The following SAMMSON variants were observed in gnomAD, a reference collection of about 807,000 sequenced individuals.
The protein encoded by SAMMSON is survival associated mitochondrial melanoma specific oncogenic non-coding RNA, also known as long intergenic non-protein coding RNA 1212.
intron 7 of SAMMSON, among the ~76,000 whole-genome samples, chr3:70,303,400 T>C (rs1197158185): frequency 6.6e-6 from 1 of 152,076 alleles, no homozygotes; most frequent in Non-Finnish European, 1.5e-5. Flanking sequence ...AGGAGGAGAA[T>C]AGGAGGAAAA....
chr3:70,112,185 G>T (rs2067392467), intron 4 of SAMMSON, among the ~76,000 whole-genome samples: 1 of 152,082 alleles, frequency 6.6e-6, no homozygotes, highest in African/African-American at 2.4e-5. Context: ...AAGACAGCTA[G>T]AGAAAAAAGA....
Position 70,058,969 on chromosome 3 carries a change from A to G in SAMMSON, n.418-12507A>G, listed in dbSNP as rs76234846. Among the ~76,000 whole-genome samples the G allele has an allele frequency of 7.2e-3, 1,100 of 152,084 alleles. 35 individuals carry two copies. The highest frequency in any genetic ancestry group is 0.07 in the East Asian group (359 of 5,130). ...CTACTCTTGTCAGCGGGAAGGTATTAATATACCCGTTTTATAGGTTGAGGA... is the reference window on the plus strand; with the variant it reads ...CTACTCTTGTCAGCGGGAAGGTATTGATATACCCGTTTTATAGGTTGAGGA... On this transcript the variant is annotated intron_variant and non_coding_transcript_variant, in intron 3 of 9. Transcript: ENST00000642114.
chr3:70,020,468 C>T (rs1360144892), intron 3 of SAMMSON, among the ~76,000 whole-genome samples: 1 of 152,148 alleles, frequency 6.6e-6, no homozygotes, highest in Non-Finnish European at 1.5e-5. Context: ...GAGACTGTGG[C>T]ATCTGTGGTA....
intron 4 of SAMMSON, among the ~76,000 whole-genome samples, chr3:70,108,461 G>T (rs956026914): frequency 1.1e-5 from 1 of 89,560 alleles, no homozygotes; most frequent in Non-Finnish European, 2.3e-5. Flanking sequence ...CACCTAAGGA[G>T]CTGAGTTAGA....
intron 7 of SAMMSON, among the ~76,000 whole-genome samples, chr3:70,306,099 G>A (rs1702397208): frequency 6.6e-6 from 1 of 151,986 alleles, no homozygotes; most frequent in Admixed American, 6.6e-5. Context: ...AAATAATGGA[G>A]TTTATTTATT....
At chr3:70,286,464 T>G (rs1702164634) in intron 6 of SAMMSON, among the ~76,000 whole-genome samples, 1 of 151,854 alleles carries the variant, frequency 6.6e-6, no homozygotes, top group South Asian at 2.1e-4. Context: ...TACTGTAGCC[T>G]TGTAGTATAG....
intron 4 of SAMMSON, chr3:70,072,417 CT>C (rs2067233358): frequency 6.6e-6 from 1 of 151,632 alleles, no homozygotes; most frequent in Admixed American, 6.6e-5. Flanking sequence ...TTCCAAAGCC[CT>C]ACTCTTCAAA....
intron 8 of SAMMSON, among the ~76,000 whole-genome samples, chr3:70,355,441 A>G (rs1702822505): frequency 6.6e-6 from 1 of 152,182 alleles, no homozygotes; most frequent in Admixed American, 6.5e-5. Context: ...CATTACTTCC[A>G]TGAAACAAAA....
intron 4 of SAMMSON, among the ~76,000 whole-genome samples, chr3:70,165,778 C>T (rs776345270): frequency 6.6e-6 from 1 of 151,872 alleles, no homozygotes; most frequent in Admixed American, 6.6e-5. Flanking sequence ...TCAAATTTAC[C>T]ATTCTTATAG....
At chr3:70,221,482 C>G (rs1023258425) in intron 4 of SAMMSON, among the ~76,000 whole-genome samples, 7 of 151,932 alleles carry the variant, frequency 4.6e-5, no homozygotes, top group South Asian at 2.1e-4. Context: ...ACAGCCTTTC[C>G]TCTTAACCAC....
chr3:70,328,545 A>T (rs1444945313), intron 7 of SAMMSON, among the ~76,000 whole-genome samples: 1 of 152,190 alleles, frequency 6.6e-6, no homozygotes, highest in East Asian at 1.9e-4. Flanking sequence ...AATGAGTTGG[A>T]TAAGAAAGAA....
chr3:70,363,359 A>G (rs1006120887), intron 9 of SAMMSON, among the ~76,000 whole-genome samples: 6 of 152,072 alleles, frequency 3.9e-5, no homozygotes, highest in African/African-American at 1.4e-4. Context: ...AAGAAGAGGC[A>G]TCCAAATGGA....
chr3:70,077,941 A>G (rs1333984947), intron 4 of SAMMSON, among the ~76,000 whole-genome samples: 1 of 152,032 alleles, frequency 6.6e-6, no homozygotes, highest in African/African-American at 2.4e-5. Context: ...TCCTGATTTC[A>G]TTCCTTCTTC....
At chr3:70,363,523 C>T (rs1702893714) in intron 9 of SAMMSON, among the ~76,000 whole-genome samples, 1 of 152,010 alleles carries the variant, frequency 6.6e-6, no homozygotes, top group South Asian at 2.1e-4. Context: ...GAATCAGTAG[C>T]ATTTCTATAC....
intron 6 of SAMMSON, among the ~76,000 whole-genome samples, chr3:70,286,693 A>G (rs929680834): frequency 1.3e-5 from 2 of 152,126 alleles, no homozygotes; most frequent in African/African-American, 2.4e-5. Flanking sequence ...ACCCATGAGC[A>G]TGGAATGTTC....
intron 4 of SAMMSON, among the ~76,000 whole-genome samples, chr3:70,091,023 G>C (rs1466042967): frequency 6.6e-6 from 1 of 152,132 alleles, no homozygotes; most frequent in Non-Finnish European, 1.5e-5. Flanking sequence ...ACTTATGTTA[G>C]CCTCTGAGAA....
intron 4 of SAMMSON, among the ~76,000 whole-genome samples, chr3:70,208,084 A>G (rs1701309558): frequency 6.6e-6 from 1 of 152,082 alleles, no homozygotes; most frequent in Non-Finnish European, 1.5e-5. Flanking sequence ...TGTTAGAGAG[A>G]GGACCAGACT....
At chr3:70,221,173 A>G (rs1432494784) in intron 4 of SAMMSON, among the ~76,000 whole-genome samples, 1 of 152,180 alleles carries the variant, frequency 6.6e-6, no homozygotes. Flanking sequence ...CGTAGATGTC[A>G]GTGAGTTTCC....
At chr3:70,261,890 G>T (rs1029738804) in intron 6 of SAMMSON, among the ~76,000 whole-genome samples, 1 of 152,030 alleles carries the variant, frequency 6.6e-6, no homozygotes, top group Non-Finnish European at 1.5e-5. Flanking sequence ...AGAAGATCCG[G>T]GGCTGAAATC....
Sources: gnomAD v4.1 joint callset for allele counts (sites outside exome capture counted in the v4.1 genomes callset) on GRCh38, gnomAD v4.1.1 for gene constraint, MANE v1.5 for transcripts, NCBI Gene and HGNC (gene_info 2026-07-23, HGNC 2026-07-21) for gene names.